TBC1D1: variants seen among roughly 807,000 people sequenced by gnomAD.
TBC1D1 encodes the protein TBC1 (tre-2/USP6, BUB2, cdc16) domain family, member 1.
In TBC1D1, 89 loss-of-function variants were observed where a neutral mutation model predicts 125.6. The ratio of observed to expected loss-of-function variants is 0.71; its 90% CI spans 0.60 to 0.85. The LOEUF (loss-of-function observed/expected upper bound fraction) is 0.85, where lower values mean the gene tolerates loss of function less well. TBC1D1 is among the 40% of genes least tolerant of loss of function. The pLI, the probability that TBC1D1 is intolerant of heterozygous loss-of-function variation, is 0.00. For missense variants in TBC1D1, 1,377 were observed against 1,469.2 expected (o/e 0.94, Z 1.03); for synonymous variants, 565 against 564.1 (o/e 1.00, Z -0.02).
intron 14 of TBC1D1, among the ~76,000 whole-genome samples, chr4:38,099,764 C>T (rs1163719860): frequency 2.6e-5 from 4 of 152,154 alleles, no homozygotes; most frequent in Non-Finnish European, 4.4e-5. Context: ...GAAGGCAGCA[C>T]CATGGTGGGG....
rs193261185 is a variant in TBC1D1, at chr4:38,090,239, A to G, written c.2236+122A>G. On this transcript the variant is annotated intron_variant, in intron 13 of 19. Coordinates refer to ENST00000261439, the MANE Select transcript of TBC1D1 (RefSeq NM_015173.4). ...GCACGATAGTCTAATGTATACATCT[A>G]TCTATATCTGTTTACTTTTTCAGAG... is the stretch of plus-strand genomic sequence containing the variant. 1.3e-3 allele frequency: 1,163 copies of G among 880,978 alleles called. 5 individuals are homozygous for G. Among genetic ancestry groups the G allele is most frequent in the Admixed American group, 3.0e-3 (109 of 36,780 alleles). 54.6% of individuals were successfully genotyped at this position (880,978 alleles called of 1,614,324 possible). A position where few individuals can be genotyped will look rare whatever the true frequency, so the allele number is the denominator to read the frequency against.
At chr4:38,049,589 T>TCAGACACAC in intron 10 of TBC1D1, 29 bp from the exon 11 acceptor site, 1 of 1,568,912 alleles carries the variant, frequency 6.4e-7, no homozygotes, top group Non-Finnish European at 8.6e-7. Context: ...CCCCATGGTG[T>TCAGACACAC]GTCTGATCTG....
rs764886712 is a variant in TBC1D1 at position 38,103,206 on chromosome 4, T to C, written c.2557+49T>C. ...GATGACAATGGAAGTTTCACTCACA[T>C]GAAAAATCTGAAGAGACTGTCCAAG... On this transcript the variant is annotated intron_variant, in intron 15 of 19. Coordinates refer to ENST00000261439, the MANE Select transcript of TBC1D1 (RefSeq NM_015173.4). 1.9e-6 allele frequency: 3 copies of C among 1,562,256 alleles called. No individual in the cohort carries two copies. In the Admixed American group the frequency reaches 5.9e-5, roughly 31 times the overall value.
intron 15 of TBC1D1, among the ~76,000 whole-genome samples, chr4:38,107,577 GTTTTTTTTT>G (rs3038351): frequency 4.5e-4 from 24 of 53,092 alleles, no homozygotes; most frequent in South Asian, 9.6e-4. Context: ...GTCTAAACAG[GTTTTTTTTT>G]TTTTTTTTTT....
intron 2 of TBC1D1, among the ~76,000 whole-genome samples, chr4:37,904,164 A>T (rs1716791226): frequency 6.6e-6 from 1 of 152,210 alleles, no homozygotes; most frequent in Admixed American, 6.5e-5. Context: ...GTAGCACTCG[A>T]CCTGAAACTT....
At chr4:38,135,018 G>A (rs1038118950) in intron 19 of TBC1D1, among the ~76,000 whole-genome samples, 2 of 152,152 alleles carry the variant, frequency 1.3e-5, no homozygotes, top group African/African-American at 4.8e-5. Context: ...GTATTGTATC[G>A]ATTTGTGGTG....
At position 37,977,463 on chromosome 4, in the gene TBC1D1, G is replaced by T. The variant is rs1244629277; in HGVS notation, c.418-37046G>T. 2.0e-6 allele frequency: 2 copies of T among 985,944 alleles called. No homozygotes were observed. The highest frequency in any genetic ancestry group is 1.2e-4 in the East Asian group (1 of 8,618). 61.1% of individuals were successfully genotyped at this position (985,944 alleles called of 1,614,324 possible). ...CCACGGGCCGGCGGCGGGAGTGAGC[G>T]GGAGCCGGCGGGCGAAGAGCCGCCG... On this transcript the variant is annotated intron_variant, in intron 2 of 19. Coordinates refer to ENST00000261439, the MANE Select transcript of TBC1D1 (RefSeq NM_015173.4). This position sits in a 1 kb window ranked among gnomAD's most constrained non-coding sequence, Gnocchi z 4.3.
At chr4:37,905,819 G>A (rs949489450) in intron 2 of TBC1D1, among the ~76,000 whole-genome samples, 1 of 152,178 alleles carries the variant, frequency 6.6e-6, no homozygotes, top group Non-Finnish European at 1.5e-5. Flanking sequence ...GGATTGCGCT[G>A]GTAAAACTAT....
chr4:38,122,862 C>G (rs1169561671), intron 17 of TBC1D1, among the ~76,000 whole-genome samples: 1 of 152,166 alleles, frequency 6.6e-6, no homozygotes, highest in African/African-American at 2.4e-5. Flanking sequence ...AGTGCTATGT[C>G]TTAATTTTTT....
At chr4:37,930,880 A>G (rs760725461) in intron 2 of TBC1D1, among the ~76,000 whole-genome samples, 1 of 152,236 alleles carries the variant, frequency 6.6e-6, no homozygotes, top group Non-Finnish European at 1.5e-5. Flanking sequence ...ATTAAGGGAC[A>G]TTTAAAAGAT....
chr4:38,038,678 T>C (rs1747689332), intron 8 of TBC1D1, among the ~76,000 whole-genome samples: 1 of 152,190 alleles, frequency 6.6e-6, no homozygotes, highest in Non-Finnish European at 1.5e-5. Context: ...CCGGGCGCAG[T>C]GGCTCACGCC....
At chr4:38,094,151 G>A (rs1033731281) in intron 13 of TBC1D1, among the ~76,000 whole-genome samples, 2 of 152,218 alleles carry the variant, frequency 1.3e-5, no homozygotes, top group Admixed American at 6.5e-5. Context: ...CAGCCTATTA[G>A]CTTTCCATTC....
chr4:38,052,689 C>T (rs1273237837), intron 11 of TBC1D1, among the ~76,000 whole-genome samples: 1 of 150,254 alleles, frequency 6.7e-6, no homozygotes, highest in Non-Finnish European at 1.5e-5. Flanking sequence ...TGGACACTTA[C>T]ATGCATGCGT....
chr4:37,899,495 G>T (rs1432649934), intron 1 of TBC1D1, among the ~76,000 whole-genome samples: 1 of 152,136 alleles, frequency 6.6e-6, no homozygotes, highest in South Asian at 2.1e-4. Context: ...TTAGACTCAA[G>T]TGCAAATTGC....
At chr4:37,892,183 G>A (rs1449842177) in intron 1 of TBC1D1, among the ~76,000 whole-genome samples, 1 of 152,162 alleles carries the variant, frequency 6.6e-6, no homozygotes, top group Non-Finnish European at 1.5e-5. Flanking sequence ...CTTTGAAAGA[G>A]CATTTAAAAA....
rs888645082 is a variant in TBC1D1 at position 38,053,477 on chromosome 4, C to T, written c.1911-722C>T. On this transcript the variant is annotated intron_variant, in intron 11 of 19. Transcript: ENST00000261439. ...AAAGTCTTTGCCAAGTCTCTGAGAC[C>T]AGTGTTTCTGGTTAGTGAGCATATG... Among the ~76,000 whole-genome samples the T allele has an allele frequency of 1.6e-4, 25 of 152,124 alleles. 1 individual carries two copies. The highest frequency in any genetic ancestry group is 5.6e-4 in the African/African-American group (23 of 41,426).
intron 14 of TBC1D1, among the ~76,000 whole-genome samples, chr4:38,097,650 G>A (rs1759593100): frequency 6.6e-6 from 1 of 151,524 alleles, no homozygotes. Context: ...CCAATTTTTT[G>A]TGTTTTTACT....
intron 1 of TBC1D1, among the ~76,000 whole-genome samples, chr4:37,897,898 T>G (rs1714993475): frequency 6.6e-6 from 1 of 152,228 alleles, no homozygotes; most frequent in Non-Finnish European, 1.5e-5. Context: ...TGGGATTATG[T>G]GAACTTCAAG....
chr4:38,066,351 C>T lies in TBC1D1; in HGVS notation c.2050+12013C>T, dbSNP rs1330457601. The stretch of plus-strand genomic sequence containing the variant: ...TATTTATTTATTTGTTTGTTTGTGA[C>T]AGGGTCTTGCTCTGTCACCCAGGCT... On this transcript the variant is annotated intron_variant, in intron 12 of 19. Transcript: ENST00000261439. 3.3e-5 allele frequency among the ~76,000 whole-genome samples: 5 copies of T among 149,984 alleles called. No homozygotes were observed. In the East Asian group the frequency reaches 7.9e-4, roughly 24 times the overall value.
Sources: allele counts gnomAD v4.1 joint callset (sites outside exome capture counted in the v4.1 genomes callset), GRCh38; gene constraint gnomAD v4.1.1; non-coding constraint Gnocchi (gnomAD v3.1); transcripts MANE v1.5; gene names NCBI Gene and HGNC (gene_info 2026-07-23, HGNC 2026-07-21).